RASL12: variants seen among roughly 807,000 people sequenced by gnomAD.
RASL12 encodes the protein ras-like protein family member 12.
Under a neutral mutation model 22.9 loss-of-function variants are expected in RASL12, and 16 were observed. That is an observed-to-expected ratio of 0.70 (90% CI 0.47 to 1.06). The LOEUF (loss-of-function observed/expected upper bound fraction) is 1.06, where lower values mean the gene tolerates loss of function less well. Ranked by LOEUF, RASL12 falls within the 50% of genes least tolerant of loss-of-function variation. The probability of loss-of-function intolerance (pLI) is 0.00; values close to 1 mark genes in which losing one functional copy is unlikely to be tolerated. For synonymous variants in RASL12, 159 were observed against 152.2 expected (o/e 1.04, Z -0.33); for missense variants, 306 against 353.1 (o/e 0.87, Z 1.07).
the RASL12 span, among the ~76,000 whole-genome samples, chr15:65,046,919 C>T: frequency 6.7e-6 from 1 of 150,178 alleles, no homozygotes; most frequent in Non-Finnish European, 1.5e-5. Flanking sequence ...TCTCAAAAAA[C>T]AAAAAACAAA....
In RASL12 at chr15:65,054,774, C is replaced by T. The variant is rs1291233621; in HGVS notation, c.*125G>A. On this transcript the variant is annotated 3_prime_UTR_variant, in exon 5 of 5. Transcript: ENST00000220062. The stretch of plus-strand genomic sequence containing the variant: ...TCACACAGTGAATTGAGTGTAGGGA[C>T]ACTGCTTGGTGCTGGAGGCGGGGTC... 3 of 1,493,354 alleles carry T rather than the reference C, an allele frequency of 2.0e-6. No individual in the cohort carries two copies. Among genetic ancestry groups the T allele is most frequent in the Non-Finnish European group, 1.8e-6 (2 of 1,128,462 alleles). 92.5% of individuals were successfully genotyped at this position (1,493,354 alleles called of 1,614,324 possible). A position where few individuals can be genotyped will look rare whatever the true frequency, so the allele number is the denominator to read the frequency against.
chr15:65,063,294 C>G (rs1431294032), intron 2 of RASL12, among the ~76,000 whole-genome samples: 1 of 152,182 alleles, frequency 6.6e-6, no homozygotes, highest in Non-Finnish European at 1.5e-5. Flanking sequence ...AGTCCCTGCC[C>G]TTGGGAATTC....
In RASL12 at chr15:65,053,739, T is replaced by G. The variant is rs1163079275; in HGVS notation, c.*1160A>C. The G allele has an allele frequency of 5.1e-6, 5 of 986,566 alleles. No homozygotes were observed. In the Admixed American group the frequency reaches 2.4e-4, roughly 48 times the overall value. 61.1% of individuals were successfully genotyped at this position (986,566 alleles called of 1,614,324 possible). A position where few individuals can be genotyped will look rare whatever the true frequency, so the allele number is the denominator to read the frequency against. On this transcript the variant is annotated 3_prime_UTR_variant, in exon 5 of 5. Coordinates refer to ENST00000220062, the MANE Select transcript of RASL12 (RefSeq NM_016563.4). ...GCTAAGAGTCTGTGCAAGACTTCCC[T>G]GGGACCTGGCGTGTGGTAAACAAAA... is the stretch of plus-strand genomic sequence containing the variant.
At chr15:65,048,293 G>C in the RASL12 span, among the ~76,000 whole-genome samples, 1 of 152,140 alleles carries the variant, frequency 6.6e-6, no homozygotes, top group African/African-American at 2.4e-5. Context: ...GCTTAAGTCA[G>C]TATTGTATTT....
At chr15:65,057,679 C>T (rs1349394599) in intron 4 of RASL12, among the ~76,000 whole-genome samples, 2 of 152,066 alleles carry the variant, frequency 1.3e-5, no homozygotes, top group Non-Finnish European at 2.9e-5. Context: ...TGGGAGGCTG[C>T]GTCTGGGTGA....
At chr15:65,076,507 C>A (rs1258138283) in intron 1 of RASL12, 3 of 690,554 alleles carry the variant, frequency 4.3e-6, no homozygotes, top group East Asian at 5.4e-5. Flanking sequence ...AGACACGCTA[C>A]CTTAAGAGCT....
chr15:65,058,055 G>A (rs530820143), intron 4 of RASL12, among the ~76,000 whole-genome samples: 1 of 152,312 alleles, frequency 6.6e-6, no homozygotes, highest in Admixed American at 6.5e-5. Context: ...CGGATCATGA[G>A]TTCAGGAGTT....
downstream of RASL12, chr15:65,051,683 G>A (rs192771373): frequency 1.3e-5 from 18 of 1,417,858 alleles, no homozygotes; most frequent in Admixed American, 2.8e-4. Context: ...AATCTAGAGA[G>A]GGGTCACTTA....
intron 1 of RASL12, among the ~76,000 whole-genome samples, chr15:65,074,153 C>T (rs930948437): frequency 7.3e-6 from 1 of 137,344 alleles, no homozygotes; most frequent in Non-Finnish European, 1.5e-5. Flanking sequence ...CAAATTAAAA[C>T]CCTGGTCCTG....
upstream of RASL12, among the ~76,000 whole-genome samples, chr15:65,069,317 TCA>T (rs1387068045): frequency 1.3e-5 from 2 of 152,354 alleles, no homozygotes; most frequent in South Asian, 4.1e-4. Context: ...CCAGAATTAG[TCA>T]CACAGCTAAT....
chr15:65,073,307 C>G (rs1239366122), intron 1 of RASL12, among the ~76,000 whole-genome samples: 1 of 152,122 alleles, frequency 6.6e-6, no homozygotes, highest in Non-Finnish European at 1.5e-5. Context: ...ACACAACTTG[C>G]CATAATGTAG....
chr15:65,058,924 G>T (rs1367309507), intron 3 of RASL12, among the ~76,000 whole-genome samples: 1 of 152,270 alleles, frequency 6.6e-6, no homozygotes, highest in African/African-American at 2.4e-5. Flanking sequence ...TTTGGGTTGA[G>T]TTCATGCTGC....
At chr15:65,075,120 A>T (rs2086956542) in intron 1 of RASL12, among the ~76,000 whole-genome samples, 1 of 152,226 alleles carries the variant, frequency 6.6e-6, no homozygotes, top group Non-Finnish European at 1.5e-5. Flanking sequence ...CACTCGGAGC[A>T]GTCAGCCAGC....
downstream of RASL12, chr15:65,050,096 A>C (rs2086629760): frequency 6.4e-6 from 10 of 1,551,286 alleles, no homozygotes; most frequent in Non-Finnish European, 8.7e-6. Flanking sequence ...TTTCGTGTGG[A>C]AGATGGTAAG....
intron 4 of RASL12, among the ~76,000 whole-genome samples, chr15:65,055,958 G>A (rs996241911): frequency 2.6e-5 from 4 of 152,104 alleles, no homozygotes; most frequent in South Asian, 4.2e-4. Flanking sequence ...AAGGAGAGAG[G>A]GGGCAACACC....
chr15:65,051,669 G>C (rs924582784), downstream of RASL12: 19 of 1,505,382 alleles, frequency 1.3e-5, no homozygotes, highest in South Asian at 2.0e-4. Context: ...CCTTCCCAGA[G>C]GGAAATCTAG....
chr15:65,050,769 G>A (rs1028645203), downstream of RASL12, among the ~76,000 whole-genome samples: 3 of 148,472 alleles, frequency 2.0e-5, no homozygotes, highest in Non-Finnish European at 4.5e-5. Context: ...TCTGTGGGCA[G>A]TTGCCATTCC....
chr15:65,067,958 G>A lies in RASL12; in HGVS notation c.-123C>T, dbSNP rs2086900679. Reference sequence around the variant, plus strand: ...GGAGCGCGCGGCCCCGGACCCGTCGGCGTCCGCGCCCTCGGCCCCGCGTCC... The same window carrying A: ...GGAGCGCGCGGCCCCGGACCCGTCGACGTCCGCGCCCTCGGCCCCGCGTCC... On this transcript the variant is annotated 5_prime_UTR_variant, in exon 1 of 5. Coordinates refer to ENST00000220062, the MANE Select transcript of RASL12 (RefSeq NM_016563.4). 1 of 1,191,994 alleles carries A rather than the reference G, an allele frequency of 8.4e-7. No homozygotes were observed. Among genetic ancestry groups the A allele is most frequent in the Non-Finnish European group, 1.0e-6 (1 of 962,608 alleles). 73.8% of individuals were successfully genotyped at this position (1,191,994 alleles called of 1,614,324 possible). A position where few individuals can be genotyped will look rare whatever the true frequency, so the allele number is the denominator to read the frequency against.
In RASL12 at chr15:65,058,501, G is replaced by C. The variant is rs1595905056; in HGVS notation, c.351C>G (p.Ala117=). The change falls in exon 4 of 5, where the codon GCC becomes GCG. Residue 117 remains alanine, a synonymous_variant. Coordinates refer to ENST00000220062, the MANE Select transcript of RASL12 (RefSeq NM_016563.4). The part of the protein sequence containing the change: ...DSSSSYLELL[A]LHAKETQRSI... ...TGCGCTGTGTCTCCTTCGCGTGCAA[G>C]GCAAGCAGCTCCAGGTAGCTGCTGC... 6.2e-7 allele frequency: 1 copy of C among 1,610,996 alleles called. No individual in the cohort carries two copies. The highest frequency in any genetic ancestry group is 2.2e-5 in the East Asian group (1 of 44,764).
Sources: gnomAD v4.1 joint callset for allele counts (sites outside exome capture counted in the v4.1 genomes callset) on GRCh38, gnomAD v4.1.1 for gene constraint, MANE v1.5 for transcripts, NCBI Gene and HGNC (gene_info 2026-07-23, HGNC 2026-07-21) for gene names.